The following GRID1 variants were observed in gnomAD, a reference collection of about 807,000 sequenced individuals.
GRID1 encodes glutamate receptor ionotropic, delta-1.
In GRID1, 28 loss-of-function variants were observed where a neutral mutation model predicts 98.0. That is an observed-to-expected ratio of 0.29 (90% confidence interval 0.21 to 0.39). GRID1 has a LOEUF of 0.39. GRID1 is among the 10% of genes least tolerant of loss of function. The pLI is 1.00. For missense variants in GRID1, 1,111 were observed against 1,340.5 expected (o/e 0.83, Z 2.67); for synonymous variants, 553 against 538.5 (o/e 1.03, Z -0.37).
chr10:86,118,981 GTGGTATCC>G (rs1564680516), intron 4 of GRID1, among the ~76,000 whole-genome samples: 1 of 152,162 alleles, frequency 6.6e-6, no homozygotes, highest in East Asian at 1.9e-4. Context: ...CTAATGCAAT[GTGGTATCC>G]TGGATAGGAT....
chr10:86,357,880 C>T (rs955639647), intron 2 of GRID1, among the ~76,000 whole-genome samples: 1 of 152,116 alleles, frequency 6.6e-6, no homozygotes, highest in Non-Finnish European at 1.5e-5. Flanking sequence ...TGTGGGACCC[C>T]GGGCGGCAAA....
At chr10:85,783,992 G>C (rs896476111) in intron 8 of GRID1, among the ~76,000 whole-genome samples, 1 of 152,162 alleles carries the variant, frequency 6.6e-6, no homozygotes, top group Non-Finnish European at 1.5e-5. Context: ...TTAAGAACAA[G>C]AGCATGTAAT....
At chr10:85,960,678 T>G (rs1842254462) in intron 4 of GRID1, among the ~76,000 whole-genome samples, 1 of 152,218 alleles carries the variant, frequency 6.6e-6, no homozygotes, top group South Asian at 2.1e-4. Flanking sequence ...ATCTCTCACC[T>G]GCCTTGCATT....
intron 3 of GRID1, among the ~76,000 whole-genome samples, chr10:86,140,960 C>T (rs1016030318): frequency 7.9e-5 from 12 of 152,086 alleles, no homozygotes; most frequent in Non-Finnish European, 1.6e-4. Flanking sequence ...ATGGCAAATG[C>T]ATGATCACCC....
At chr10:85,792,608 C>T (rs1028075063) in intron 8 of GRID1, among the ~76,000 whole-genome samples, 2 of 152,168 alleles carry the variant, frequency 1.3e-5, no homozygotes, top group African/African-American at 4.8e-5. Flanking sequence ...CTTTCCACTC[C>T]TCACAATGCT....
In GRID1 at chr10:85,723,242, C is replaced by T. The variant is rs920604849; in HGVS notation, c.1859-101G>A. 5.9e-5 allele frequency: 68 copies of T among 1,161,726 alleles called. No homozygotes were observed. The South Asian group carries it at 7.1e-4, about 12-fold the overall frequency. 72.0% of individuals were successfully genotyped at this position (1,161,726 alleles called of 1,614,324 possible). Reference sequence around the variant, plus strand: ...GCAGCCAGGCACACAGGCCATCACTCGTGATGGGCTGGAACCAGGGAGGTG... The same window carrying T: ...GCAGCCAGGCACACAGGCCATCACTTGTGATGGGCTGGAACCAGGGAGGTG... On this transcript the variant is annotated intron_variant, in intron 11 of 15. Coordinates refer to ENST00000327946, the MANE Select transcript of GRID1 (RefSeq NM_017551.3).
intron 2 of GRID1, among the ~76,000 whole-genome samples, chr10:86,287,293 T>G (rs1847445446): frequency 6.6e-6 from 1 of 152,100 alleles, no homozygotes; most frequent in Non-Finnish European, 1.5e-5. Flanking sequence ...TTCCTCTGAG[T>G]CAGGTCATTG....
chr10:85,755,716 G>A (rs74354249), intron 8 of GRID1, among the ~76,000 whole-genome samples: 2,208 of 152,150 alleles, frequency 0.015, 57 homozygotes, highest in African/African-American at 0.05. Context: ...CACTCTGCTG[G>A]GGCCATAAGC....
rs11816287 is a variant in GRID1 at position 85,708,119 on chromosome 10, A to C, written c.1997+14884T>G. Among the ~76,000 whole-genome samples the C allele has an allele frequency of 2.4e-5, 3 of 126,898 alleles. No homozygotes were observed. In the East Asian group the frequency reaches 6.5e-4, roughly 27 times the overall value. The allele number at this position is 126,898 out of a possible 152,430, so 83.3% of individuals were successfully genotyped here. A position where few individuals can be genotyped will look rare whatever the true frequency, so the allele number is the denominator to read the frequency against. ...CCTAAAACTTAAAGTATAATAAAAAAAAAAAAAAAAAACACAAGATTAGCC... is the reference window on the plus strand; with the variant it reads ...CCTAAAACTTAAAGTATAATAAAAACAAAAAAAAAAAACACAAGATTAGCC... On this transcript the variant is annotated intron_variant, in intron 12 of 15. Coordinates refer to ENST00000327946, the MANE Select transcript of GRID1 (RefSeq NM_017551.3).
intron 4 of GRID1, among the ~76,000 whole-genome samples, chr10:86,062,979 C>A (rs758659063): frequency 1.3e-5 from 2 of 152,240 alleles, no homozygotes; most frequent in Non-Finnish European, 2.9e-5. Flanking sequence ...TGGGTCCTAC[C>A]CAGAACTTGG....
At chr10:86,160,941 T>C (rs945775406) in intron 3 of GRID1, among the ~76,000 whole-genome samples, 2 of 152,210 alleles carry the variant, frequency 1.3e-5, no homozygotes, top group African/African-American at 2.4e-5. Flanking sequence ...TCCTTATTAT[T>C]AGAGGCCAAA....
intron 2 of GRID1, among the ~76,000 whole-genome samples, chr10:86,272,632 A>G (rs1847202545): frequency 6.6e-6 from 1 of 152,238 alleles, no homozygotes; most frequent in South Asian, 2.1e-4. Context: ...CCAAAAAGTG[A>G]CAGGCATTAC....
intron 4 of GRID1, among the ~76,000 whole-genome samples, chr10:85,920,653 C>T (rs2131826990): frequency 6.6e-6 from 1 of 152,372 alleles, no homozygotes; most frequent in South Asian, 2.1e-4. Flanking sequence ...TGGTGTTTCC[C>T]TCCCATCTTG....
chr10:85,769,420 A>C (rs1842232007), intron 8 of GRID1, among the ~76,000 whole-genome samples: 1 of 152,194 alleles, frequency 6.6e-6, no homozygotes, highest in Non-Finnish European at 1.5e-5. Context: ...TGATTTCTGC[A>C]TTTCCATCTG....
intron 4 of GRID1, among the ~76,000 whole-genome samples, chr10:85,918,661 T>C (rs1841655234): frequency 6.6e-6 from 1 of 152,242 alleles, no homozygotes; most frequent in Non-Finnish European, 1.5e-5. Flanking sequence ...ATGCATCCTC[T>C]GAGTGTTGAC....
rs182813768 is a variant in GRID1 at position 86,346,702 on chromosome 10, G to T, written c.235+17239C>A. The stretch of plus-strand genomic sequence containing the variant: ...CTTCCCGAAGTCCACGGCAGCCCCA[G>T]GCATTGGCCCCACTAGGCAGAAGGA... On this transcript the variant is annotated intron_variant, in intron 2 of 15. Coordinates refer to ENST00000327946, the MANE Select transcript of GRID1 (RefSeq NM_017551.3). Among the ~76,000 whole-genome samples, 21 of 152,332 alleles carry T rather than the reference G, an allele frequency of 1.4e-4. No homozygotes were observed. In the East Asian group the frequency reaches 3.1e-3, roughly 22 times the overall value.
At chr10:86,136,541 C>T (rs1263989972) in intron 4 of GRID1, among the ~76,000 whole-genome samples, 1 of 152,224 alleles carries the variant, frequency 6.6e-6, no homozygotes. Context: ...CATTTAACAT[C>T]TTTAGCTTTT....
intron 9 of GRID1, among the ~76,000 whole-genome samples, chr10:85,728,819 CAG>C (rs1326409232): frequency 6.6e-6 from 1 of 152,102 alleles, no homozygotes; most frequent in East Asian, 1.9e-4. Context: ...GGTGTGCAAA[CAG>C]AGAATGCAGA....
Position 86,364,089 on chromosome 10 carries a change from G to A in GRID1, c.87C>T (p.Ile29=). 1 of 1,613,766 alleles carries A rather than the reference G, an allele frequency of 6.2e-7. No individual in the cohort carries two copies. Among genetic ancestry groups the A allele is most frequent in the African/African-American group, 1.3e-5 (1 of 75,066 alleles). The change falls in exon 2 of 16, where the codon ATC becomes ATT. Residue 29 remains isoleucine (I), a synonymous_variant. Coordinates refer to ENST00000327946, the MANE Select transcript of GRID1 (RefSeq NM_017551.3). ...CGTCCTTGGCCGCGTTCTCCTCGAA[G>A]ATGGCACCTGGAGGAGAGAAGGGAT... The part of the protein sequence containing the change: ...RADSIIHIGA[I]FEENAAKDDR...
Sources: gnomAD v4.1 joint callset for allele counts (sites outside exome capture counted in the v4.1 genomes callset) on GRCh38, gnomAD v4.1.1 for gene constraint, MANE v1.5 for transcripts, NCBI Gene and HGNC (gene_info 2026-07-23, HGNC 2026-07-21) for gene names.